Variants in CSMD1 observed in about 807,000 individuals in gnomAD.
The protein encoded by CSMD1 is CUB and Sushi multiple domains 1.
CSMD1 carries 213 observed loss-of-function variants against 417.5 expected under a neutral mutation model. That is an observed-to-expected ratio of 0.51 (90% CI 0.46 to 0.57). The LOEUF (loss-of-function observed/expected upper bound fraction) is 0.57, where lower values mean the gene tolerates loss of function less well. Ranked by LOEUF, CSMD1 falls within the 20% of genes least tolerant of loss-of-function variation. The pLI is 0.00. For synonymous variants in CSMD1, 2,862 were observed against 1,736.8 expected, an observed-to-expected ratio of 1.65 and a Z score of -16.11; for missense variants, 6,923 against 4,529.7, an observed-to-expected ratio of 1.53 and a Z score of -15.17.
chr8:4,007,282 T>C (rs1002498124), intron 4 of CSMD1, among the ~76,000 whole-genome samples: 3 of 152,204 alleles, frequency 2.0e-5, no homozygotes, highest in Admixed American at 6.5e-5. Flanking sequence ...CTGAAAGGCA[T>C]TATGTGAGCT....
intron 1 of CSMD1, among the ~76,000 whole-genome samples, chr8:4,809,578 C>G (rs1011304975): frequency 6.6e-6 from 1 of 152,178 alleles, no homozygotes; most frequent in Non-Finnish European, 1.5e-5. Context: ...GCTCTACTCC[C>G]TACAGCTAGA....
chr8:3,874,288 G>A (rs985053399), intron 5 of CSMD1, among the ~76,000 whole-genome samples: 1 of 152,108 alleles, frequency 6.6e-6, no homozygotes, highest in Non-Finnish European at 1.5e-5. Context: ...CTGTGTCCCT[G>A]GACCACCTGT....
intron 2 of CSMD1, among the ~76,000 whole-genome samples, chr8:4,519,679 G>C (rs769566998): frequency 8.4e-5 from 11 of 131,090 alleles, no homozygotes; most frequent in Non-Finnish European, 1.4e-4. Flanking sequence ...GGAGGCAGAG[G>C]TTACAGTGAG....
At chr8:3,651,401 C>A (rs1431811151) in intron 7 of CSMD1, among the ~76,000 whole-genome samples, 1 of 152,098 alleles carries the variant, frequency 6.6e-6, no homozygotes, top group Admixed American at 6.5e-5. Context: ...GAAGCCATGG[C>A]CCTTCATGGA....
At chr8:3,936,023 CT>C (rs1810467880) in intron 5 of CSMD1, among the ~76,000 whole-genome samples, 1 of 152,000 alleles carries the variant, frequency 6.6e-6, no homozygotes, top group Admixed American at 6.6e-5. Context: ...GGAAAACAGC[CT>C]TATTGCTGAT....
Position 3,782,042 on chromosome 8 carries a change from T to G in CSMD1, c.819-28000A>C, listed in dbSNP as rs1799213346. Among the ~76,000 whole-genome samples, 3 of 152,176 alleles carry G rather than the reference T, an allele frequency of 2.0e-5. No homozygotes were observed. In the South Asian group the frequency reaches 6.2e-4, roughly 32 times the overall value. ...TAATTTAAGAGTATCTCTCTATTAT[T>G]ATTCTGTCCACTTAATACTTGGAAG... On this transcript the variant is annotated intron_variant, in intron 5 of 69. Coordinates refer to ENST00000635120, the MANE Select transcript of CSMD1 (RefSeq NM_033225.6).
At chr8:3,246,217 C>A (rs372482237) in intron 26 of CSMD1, among the ~76,000 whole-genome samples, 25 of 152,224 alleles carry the variant, frequency 1.6e-4, no homozygotes, top group East Asian at 1.2e-3. Context: ...GCCCTGCCTG[C>A]CACACATCCA....
chr8:4,299,622 A>T (rs868412528), intron 3 of CSMD1, among the ~76,000 whole-genome samples: 1 of 152,080 alleles, frequency 6.6e-6, no homozygotes. Flanking sequence ...ATCATATCAT[A>T]TATCATACAC....
intron 2 of CSMD1, among the ~76,000 whole-genome samples, chr8:4,619,267 C>T (rs191282517): frequency 2.7e-4 from 41 of 152,188 alleles, no homozygotes; most frequent in Non-Finnish European, 4.3e-4. Context: ...TGTTTAAATG[C>T]TGTTAAATAA....
intron 25 of CSMD1, among the ~76,000 whole-genome samples, chr8:3,296,452 A>AG: frequency 6.6e-6 from 1 of 152,082 alleles, no homozygotes. Context: ...AGGGCTTTGT[A>AG]GGCTGTTTTA....
chr8:4,115,642 A>G (rs551695575), intron 3 of CSMD1, among the ~76,000 whole-genome samples: 14 of 152,326 alleles, frequency 9.2e-5, no homozygotes, highest in African/African-American at 2.6e-4. Context: ...CTGAATGTTT[A>G]TATGTGCTTT....
chr8:4,254,604 C>G (rs184755998), intron 3 of CSMD1, among the ~76,000 whole-genome samples: 1 of 152,186 alleles, frequency 6.6e-6, no homozygotes, highest in African/African-American at 2.4e-5. Flanking sequence ...CACTTGCTGA[C>G]TCACCCTGGA....
chr8:3,594,281 C>G lies in CSMD1; in HGVS notation c.1098-8021G>C, dbSNP rs1172467304. On this transcript the variant is annotated intron_variant, in intron 8 of 69. Transcript: ENST00000635120. ...GATACTTCATCAAACAGCTCTTGGTCAATATATTAAATCTAAATTGCTATG... is the reference window on the plus strand; with the variant it reads ...GATACTTCATCAAACAGCTCTTGGTGAATATATTAAATCTAAATTGCTATG... 3.3e-5 allele frequency among the ~76,000 whole-genome samples: 5 copies of G among 151,864 alleles called. No individual in the cohort carries two copies. The East Asian group carries it at 5.8e-4, about 18-fold the overall frequency.
intron 1 of CSMD1, among the ~76,000 whole-genome samples, chr8:4,987,282 G>A (rs1811227221): frequency 6.6e-6 from 1 of 152,160 alleles, no homozygotes. Flanking sequence ...GGCACACAAA[G>A]TTTACATAGA....
intron 1 of CSMD1, among the ~76,000 whole-genome samples, chr8:4,989,052 T>G (rs1454114397): frequency 1.3e-5 from 2 of 152,246 alleles, no homozygotes; most frequent in East Asian, 1.9e-4. Flanking sequence ...AAGACTGACT[T>G]ACTTCCTTGC....
intron 1 of CSMD1, among the ~76,000 whole-genome samples, chr8:4,823,153 G>A (rs1449305531): frequency 1.3e-5 from 2 of 151,982 alleles, no homozygotes; most frequent in Non-Finnish European, 2.9e-5. Context: ...TGCAGCAATC[G>A]TCACAACTGC....
intron 2 of CSMD1, among the ~76,000 whole-genome samples, chr8:4,514,742 T>C (rs146941836): frequency 1.3e-5 from 2 of 152,158 alleles, no homozygotes; most frequent in African/African-American, 2.4e-5. Context: ...CCTCCAAATA[T>C]GATTGTGAAC....
intron 10 of CSMD1, among the ~76,000 whole-genome samples, chr8:3,554,257 A>G (rs1799043477): frequency 6.6e-6 from 1 of 152,234 alleles, no homozygotes; most frequent in Non-Finnish European, 1.5e-5. Context: ...GCTGATGAGA[A>G]AACACATTTG....
At chr8:2,995,415 G>C (rs544206564) in intron 54 of CSMD1, among the ~76,000 whole-genome samples, 6 of 152,326 alleles carry the variant, frequency 3.9e-5, no homozygotes, top group African/African-American at 1.4e-4. Context: ...ACAGGATGTA[G>C]AGAAACTTCA....
Sources: gnomAD v4.1 joint callset for allele counts (sites outside exome capture counted in the v4.1 genomes callset) on GRCh38, gnomAD v4.1.1 for gene constraint, MANE v1.5 for transcripts, NCBI Gene and HGNC (gene_info 2026-07-23, HGNC 2026-07-21) for gene names.